KCNIP4: variants seen among roughly 807,000 people sequenced by gnomAD.
KCNIP4 encodes the protein Kv channel-interacting protein 4.
A neutral mutation model predicts 34.0 loss-of-function variants in KCNIP4; 12 were observed. The ratio of observed to expected loss-of-function variants is 0.35; its 90% CI spans 0.23 to 0.57. The LOEUF is 0.57. Among genes scored for constraint, KCNIP4 ranks in the 20% least tolerant of loss-of-function variants. The probability of loss-of-function intolerance (pLI) is 0.83; values close to 1 mark genes in which losing one functional copy is unlikely to be tolerated. For synonymous variants in KCNIP4, 124 were observed against 102.2 expected, an observed-to-expected ratio of 1.21 and a Z score of -1.29; for missense variants, 238 against 311.7, an observed-to-expected ratio of 0.76 and a Z score of 1.78.
intron 1 of KCNIP4, among the ~76,000 whole-genome samples, chr4:21,072,464 T>C (rs1214381955): frequency 6.6e-6 from 1 of 152,094 alleles, no homozygotes; most frequent in Non-Finnish European, 1.5e-5. Context: ...TCTGTTCATA[T>C]CCTTCACCCT....
At chr4:21,772,144 T>A (rs1718838174) in intron 1 of KCNIP4, among the ~76,000 whole-genome samples, 1 of 152,202 alleles carries the variant, frequency 6.6e-6, no homozygotes, top group Non-Finnish European at 1.5e-5. Context: ...GGATGTTGAA[T>A]TTTATCAAAG....
At chr4:21,837,540 A>AG (rs1723416831) in intron 1 of KCNIP4, among the ~76,000 whole-genome samples, 1 of 124,974 alleles carries the variant, frequency 8.0e-6, no homozygotes, top group African/African-American at 2.6e-5. Flanking sequence ...GTCAAAAAAA[A>AG]AAAAAAAGAA....
chr4:21,734,104 GA>G (rs1715811851), intron 1 of KCNIP4, among the ~76,000 whole-genome samples: 1 of 152,182 alleles, frequency 6.6e-6, no homozygotes, highest in African/African-American at 2.4e-5. Context: ...ATGTTGTTAA[GA>G]AAATGTAATT....
intron 3 of KCNIP4, among the ~76,000 whole-genome samples, chr4:20,777,366 T>A (rs1756466062): frequency 6.6e-6 from 1 of 152,134 alleles, no homozygotes; most frequent in Admixed American, 6.5e-5. Context: ...CACATGGGGA[T>A]TATGGGAACT....
chr4:21,516,388 C>A (rs911115155), intron 1 of KCNIP4, among the ~76,000 whole-genome samples: 1 of 152,122 alleles, frequency 6.6e-6, no homozygotes, highest in African/African-American at 2.4e-5. Context: ...CAGAATAAGT[C>A]CTACCACAAC....
intron 1 of KCNIP4, among the ~76,000 whole-genome samples, chr4:21,879,563 T>A (rs1193718651): frequency 6.6e-6 from 1 of 152,182 alleles, no homozygotes; most frequent in Non-Finnish European, 1.5e-5. Flanking sequence ...TTTTCCTGAA[T>A]ATAAAGTCAT....
chr4:21,771,404 G>C (rs879011105), intron 1 of KCNIP4, among the ~76,000 whole-genome samples: 1 of 152,104 alleles, frequency 6.6e-6, no homozygotes, highest in South Asian at 2.1e-4. Context: ...TTTTTGCTTA[G>C]GATTGTCTTA....
intron 1 of KCNIP4, among the ~76,000 whole-genome samples, chr4:21,346,721 G>A (rs929239012): frequency 1.3e-5 from 2 of 152,026 alleles, no homozygotes; most frequent in Non-Finnish European, 2.9e-5. Flanking sequence ...GGATTCTGAT[G>A]GGACTGAGGA....
intron 1 of KCNIP4, among the ~76,000 whole-genome samples, chr4:21,834,432 A>G (rs1723191528): frequency 6.6e-6 from 1 of 152,130 alleles, no homozygotes; most frequent in South Asian, 2.1e-4. Flanking sequence ...TGATTTTTGT[A>G]CACTGATTTT....
chr4:21,695,566 C>T (rs1378214952), intron 1 of KCNIP4, among the ~76,000 whole-genome samples: 1 of 152,076 alleles, frequency 6.6e-6, no homozygotes, highest in Non-Finnish European at 1.5e-5. Context: ...AAAGTACCAT[C>T]CAGTGATAAA....
intron 1 of KCNIP4, among the ~76,000 whole-genome samples, chr4:21,635,027 G>C (rs1336038592): frequency 6.6e-6 from 1 of 152,122 alleles, no homozygotes; most frequent in Non-Finnish European, 1.5e-5. Flanking sequence ...AATGAAGAGA[G>C]CAAAGGCTGG....
intron 1 of KCNIP4, among the ~76,000 whole-genome samples, chr4:21,007,620 A>G (rs1738688561): frequency 6.6e-6 from 1 of 152,170 alleles, no homozygotes; most frequent in African/African-American, 2.4e-5. Flanking sequence ...TCATTCTGAA[A>G]GCAAAGCAAG....
intron 1 of KCNIP4, among the ~76,000 whole-genome samples, chr4:21,207,025 A>G (rs1756899775): frequency 6.6e-6 from 1 of 152,216 alleles, no homozygotes; most frequent in African/African-American, 2.4e-5. Flanking sequence ...AGCCCATTGC[A>G]GTGATGCCAT....
intron 8 of KCNIP4, chr4:20,731,200 G>A (rs1163342107): frequency 6.2e-6 from 1 of 161,172 alleles, no homozygotes; most frequent in East Asian, 1.9e-4. Context: ...CTCCCAAGTA[G>A]CTGAGACTTC....
chr4:21,580,907 A>C (rs1488552238), intron 1 of KCNIP4, among the ~76,000 whole-genome samples: 3 of 152,038 alleles, frequency 2.0e-5, no homozygotes, highest in African/African-American at 7.2e-5. Flanking sequence ...TTTTGTAAGG[A>C]TATGTCAGCC....
intron 1 of KCNIP4, among the ~76,000 whole-genome samples, chr4:21,523,006 G>GC (rs951464295): frequency 3.6e-4 from 54 of 151,876 alleles, no homozygotes; most frequent in South Asian, 2.1e-3. Context: ...TGAAGACGGA[G>GC]CCCCCATAAG....
intron 1 of KCNIP4, among the ~76,000 whole-genome samples, chr4:20,994,105 G>A (rs906522772): frequency 3.9e-5 from 6 of 152,146 alleles, no homozygotes; most frequent in African/African-American, 1.2e-4. Flanking sequence ...GACATCTGAT[G>A]AGCAACCTTA....
At chr4:21,093,258 C>T (rs1299753574) in intron 1 of KCNIP4, among the ~76,000 whole-genome samples, 1 of 152,152 alleles carries the variant, frequency 6.6e-6, no homozygotes, top group Non-Finnish European at 1.5e-5. Context: ...CAAACCCAGA[C>T]ATAACTGGCA....
chr4:20,829,132 A>G (rs571178219), intron 3 of KCNIP4, among the ~76,000 whole-genome samples: 2 of 152,198 alleles, frequency 1.3e-5, no homozygotes, highest in Non-Finnish European at 2.9e-5. Flanking sequence ...ACCATTGTGA[A>G]GTGTGTCTTC....
Sources: allele counts gnomAD v4.1 joint callset (sites outside exome capture counted in the v4.1 genomes callset), GRCh38; gene constraint gnomAD v4.1.1; transcripts MANE v1.5; gene names NCBI Gene and HGNC (gene_info 2026-07-23, HGNC 2026-07-21).